Variants in ARIH1 observed in about 807,000 individuals in gnomAD.
ARIH1 encodes E3 ubiquitin-protein ligase ARIH1.
ARIH1 carries 8 observed loss-of-function variants against 85.0 expected under a neutral mutation model. The observed-to-expected ratio is 0.09, with a 90% CI of 0.06 to 0.17. ARIH1 has a LOEUF of 0.17. ARIH1 is among the 10% of genes least tolerant of loss of function. The pLI, the probability that ARIH1 is intolerant of heterozygous loss-of-function variation, is 1.00. For synonymous variants in ARIH1, 238 were observed against 253.6 expected (o/e 0.94, Z 0.59); for missense variants, 311 against 718.1 (o/e 0.43, Z 6.48).
intron 3 of ARIH1, among the ~76,000 whole-genome samples, chr15:72,548,267 G>T (rs2064138016): frequency 6.6e-6 from 1 of 152,174 alleles, no homozygotes; most frequent in South Asian, 2.1e-4. Flanking sequence ...TGAAGGCATG[G>T]TAGTTAGGCT....
chr15:72,520,094 A>C (rs1006918538), intron 2 of ARIH1, among the ~76,000 whole-genome samples: 2 of 152,154 alleles, frequency 1.3e-5, no homozygotes, highest in Non-Finnish European at 2.9e-5. Context: ...GCTTCTGCTC[A>C]GTTTTTCTGG....
At chr15:72,528,970 G>A (rs1275776011) in intron 2 of ARIH1, among the ~76,000 whole-genome samples, 2 of 152,328 alleles carry the variant, frequency 1.3e-5, no homozygotes, top group Admixed American at 1.3e-4. Context: ...GGAGGCCAAG[G>A]TGGGCGGATC....
At chr15:72,564,579 C>G (rs1454352701) in intron 7 of ARIH1, among the ~76,000 whole-genome samples, 1 of 152,190 alleles carries the variant, frequency 6.6e-6, no homozygotes, top group African/African-American at 2.4e-5. Context: ...TTCAAATCGG[C>G]TTTCACATTT....
Position 72,584,516 on chromosome 15 carries a change from ATGTTT to A in ARIH1, c.*1227_*1231del, listed in dbSNP as rs1405527572. On this transcript the variant is annotated 3_prime_UTR_variant, in exon 14 of 14. Transcript: ENST00000379887. ...TCTCTACATTAGGGTGTCAAAGAGA[ATGTTT>A]TGCTTTAAATATAAATAGCCATTCA... 6.6e-6 allele frequency: 1 copy of A among 152,146 alleles called. No individual in the cohort carries two copies. Among genetic ancestry groups the A allele is most frequent in the Admixed American group, 6.5e-5 (1 of 15,278 alleles). 9.4% of individuals were successfully genotyped at this position (152,146 alleles called of 1,614,324 possible). A position where few individuals can be genotyped will look rare whatever the true frequency, so the allele number is the denominator to read the frequency against.
At chr15:72,531,548 G>A (rs538336420) in intron 2 of ARIH1, among the ~76,000 whole-genome samples, 58 of 152,228 alleles carry the variant, frequency 3.8e-4, no homozygotes, top group African/African-American at 1.4e-3. Flanking sequence ...TATTATAGGG[G>A]TGAGCCACTG....
In ARIH1 at chr15:72,596,933, G is replaced by T. The variant is rs531780112; in HGVS notation, c.*13641G>T. The T allele has an allele frequency of 8.6e-5, 13 of 151,760 alleles. No individual in the cohort carries two copies. Among genetic ancestry groups the T allele is most frequent in the South Asian group, 8.3e-4 (4 of 4,812 alleles). 9.4% of individuals were successfully genotyped at this position (151,760 alleles called of 1,614,324 possible). A position where few individuals can be genotyped will look rare whatever the true frequency, so the allele number is the denominator to read the frequency against. On this transcript the variant is annotated 3_prime_UTR_variant, in exon 14 of 14. Transcript: ENST00000379887. ...GCATTTTAATCAGTTATTTTATTGG[G>T]TTTTTTCTGTTTTTTCTTTCATTTT...
At chr15:72,565,920 TAATC>T (rs2064218118) in intron 7 of ARIH1, among the ~76,000 whole-genome samples, 1 of 152,242 alleles carries the variant, frequency 6.6e-6, no homozygotes, top group African/African-American at 2.4e-5. Flanking sequence ...ATTAGCTAAT[TAATC>T]TGTCATTTTA....
intron 3 of ARIH1, among the ~76,000 whole-genome samples, chr15:72,552,780 T>TC (rs1298495515): frequency 2.1e-5 from 3 of 145,964 alleles, no homozygotes; most frequent in African/African-American, 8.2e-5. Context: ...GAGGCCTGTT[T>TC]TTTTTTTTTT....
intron 1 of ARIH1, among the ~76,000 whole-genome samples, chr15:72,488,234 TTTTG>T (rs1459430862): frequency 6.6e-6 from 1 of 152,090 alleles, no homozygotes; most frequent in East Asian, 1.9e-4. Context: ...TTTATTTATT[TTTTG>T]TTTGTTTGTT....
At chr15:72,487,764 T>C (rs1459152061) in intron 1 of ARIH1, among the ~76,000 whole-genome samples, 2 of 152,226 alleles carry the variant, frequency 1.3e-5, no homozygotes, top group Admixed American at 6.5e-5. Flanking sequence ...GCTTCCAGTG[T>C]ATCATTCTGT....
chr15:72,551,995 G>A (rs1314385485), intron 3 of ARIH1, among the ~76,000 whole-genome samples: 1 of 152,212 alleles, frequency 6.6e-6, no homozygotes, highest in Non-Finnish European at 1.5e-5. Context: ...TCATGGGCAT[G>A]AGAAATCAAG....
chr15:72,519,303 C>A (rs1460545561), intron 2 of ARIH1, among the ~76,000 whole-genome samples: 1 of 151,478 alleles, frequency 6.6e-6, no homozygotes, highest in Non-Finnish European at 1.5e-5. Flanking sequence ...CACCTTGTAT[C>A]TATTAAATTA....
chr15:72,544,922 G>A lies in ARIH1; in HGVS notation c.546G>A (p.Gln182=), dbSNP rs1428869793. The change falls in exon 3 of 14, where the codon CAG becomes CAA. Residue 182 remains glutamine (Q), a synonymous_variant. Coordinates refer to ENST00000379887, the MANE Select transcript of ARIH1 (RefSeq NM_005744.5). ...AGATGAATACAAGGTCATCAGCACA[G>A]GATATGCCTTGTCAGATCTGCTACT... ...TRQMNTRSSA[Q]DMPCQICYLN... 1 of 1,609,626 alleles carries A rather than the reference G, an allele frequency of 6.2e-7. No individual in the cohort carries two copies. The highest frequency in any genetic ancestry group is 8.5e-7 in the Non-Finnish European group (1 of 1,176,768).
Position 72,594,462 on chromosome 15 carries a change from C to A in ARIH1, c.*11170C>A, listed in dbSNP as rs2064355049. The A allele has an allele frequency of 6.6e-6, 1 of 152,190 alleles. No individual in the cohort carries two copies. Among genetic ancestry groups the A allele is most frequent in the Non-Finnish European group, 1.5e-5 (1 of 68,050 alleles). The allele number at this position is 152,190 out of a possible 1,614,324, so 9.4% of individuals were successfully genotyped here. On this transcript the variant is annotated 3_prime_UTR_variant, in exon 14 of 14. Transcript: ENST00000379887. Reference sequence around the variant, plus strand: ...CCATTACAGGCGTGAGCCACCGCGCCTGGCTAATTTTCATTTTTAAGTTGT... The same window carrying A: ...CCATTACAGGCGTGAGCCACCGCGCATGGCTAATTTTCATTTTTAAGTTGT...
intron 3 of ARIH1, among the ~76,000 whole-genome samples, chr15:72,551,925 A>C (rs976747410): frequency 1.4e-4 from 21 of 152,210 alleles, no homozygotes; most frequent in Admixed American, 4.6e-4. Flanking sequence ...TAAAGAAGTT[A>C]GTGTGTTTTT....
At chr15:72,520,680 C>T (rs953063291) in intron 2 of ARIH1, among the ~76,000 whole-genome samples, 1 of 152,070 alleles carries the variant, frequency 6.6e-6, no homozygotes, top group East Asian at 1.9e-4. Flanking sequence ...TTTCTAGTCA[C>T]TTTTACAATT....
At position 72,600,323 on chromosome 15, in the gene ARIH1, G is replaced by C. The variant is rs1287695077; in HGVS notation, c.*17031G>C. The C allele has an allele frequency of 2.0e-5, 3 of 152,216 alleles. No homozygotes were observed. The highest frequency in any genetic ancestry group is 4.4e-5 in the Non-Finnish European group (3 of 68,042). 9.4% of individuals were successfully genotyped at this position (152,216 alleles called of 1,614,324 possible). On this transcript the variant is annotated 3_prime_UTR_variant, in exon 14 of 14. Transcript: ENST00000379887. ...GAGGAGATTTGCTAAGGGAAATGAA[G>C]ATCCATCTGTGACACAAGAAACATG...
chr15:72,506,145 G>A (rs996869592), intron 1 of ARIH1, among the ~76,000 whole-genome samples: 1 of 151,822 alleles, frequency 6.6e-6, no homozygotes. Context: ...TCAGGAGATC[G>A]AGACCATCCT....
intron 1 of ARIH1, among the ~76,000 whole-genome samples, chr15:72,499,868 C>G (rs915134081): frequency 6.6e-6 from 1 of 152,166 alleles, no homozygotes; most frequent in Non-Finnish European, 1.5e-5. Flanking sequence ...TTGACTGAAT[C>G]TCATTGTGCT....
Sources: allele counts gnomAD v4.1 joint callset (sites outside exome capture counted in the v4.1 genomes callset), GRCh38; gene constraint gnomAD v4.1.1; transcripts MANE v1.5; gene names NCBI Gene and HGNC (gene_info 2026-07-23, HGNC 2026-07-21).